Variants in IQCH observed in about 807,000 individuals in gnomAD.
IQCH encodes the protein IQ motif containing H.
IQCH carries 98 observed loss-of-function variants against 117.0 expected under a neutral mutation model. The ratio of observed to expected loss-of-function variants is 0.84; its 90% CI spans 0.71 to 0.99. The LOEUF (loss-of-function observed/expected upper bound fraction) is 0.99. Ranked by LOEUF, IQCH falls within the 50% of genes least tolerant of loss-of-function variation. The pLI is 0.00. For synonymous variants in IQCH, 412 were observed against 448.2 expected, an observed-to-expected ratio of 0.92 and a Z score of 1.02; for missense variants, 1,102 against 1,243.8, an observed-to-expected ratio of 0.89 and a Z score of 1.72.
chr15:67,428,023 G>A (rs1205747429), intron 16 of IQCH, among the ~76,000 whole-genome samples: 2 of 151,486 alleles, frequency 1.3e-5, no homozygotes, highest in South Asian at 2.1e-4. Context: ...ACGGGGTTTC[G>A]CCATGTTGGC....
intron 4 of IQCH, among the ~76,000 whole-genome samples, chr15:67,332,261 T>C (rs1438226767): frequency 6.6e-6 from 1 of 152,182 alleles, no homozygotes; most frequent in African/African-American, 2.4e-5. Context: ...GTTAAATATT[T>C]GGATTTCAAA....
At chr15:67,255,813 C>G (rs529256800) in intron 1 of IQCH, among the ~76,000 whole-genome samples, 2 of 152,102 alleles carry the variant, frequency 1.3e-5, no homozygotes, top group Admixed American at 1.3e-4. Flanking sequence ...CTAAATGTAC[C>G]TTTTCCCAAA....
intron 4 of IQCH, among the ~76,000 whole-genome samples, chr15:67,304,718 T>C (rs1339186964): frequency 6.6e-6 from 1 of 152,112 alleles, no homozygotes; most frequent in Non-Finnish European, 1.5e-5. Context: ...ACCATAATTT[T>C]AACGAGGAAA....
chr15:67,483,778 A>G (rs2083400816), intron 18 of IQCH, among the ~76,000 whole-genome samples: 1 of 152,150 alleles, frequency 6.6e-6, no homozygotes, highest in African/African-American at 2.4e-5. Flanking sequence ...GATCAAAGGG[A>G]AGTGAGCCCC....
chr15:67,296,817 C>A (rs1010132457), intron 4 of IQCH, among the ~76,000 whole-genome samples: 1 of 152,138 alleles, frequency 6.6e-6, no homozygotes, highest in Non-Finnish European at 1.5e-5. Context: ...AACCAATTAT[C>A]CTCACTGGCA....
At chr15:67,396,247 C>G (rs910082703) in intron 13 of IQCH, among the ~76,000 whole-genome samples, 8 of 152,142 alleles carry the variant, frequency 5.3e-5, no homozygotes, top group Non-Finnish European at 1.0e-4. Context: ...AGCCTCCCCA[C>G]TGGGTCAGAT....
intron 10 of IQCH, among the ~76,000 whole-genome samples, chr15:67,378,751 G>C (rs1413299151): frequency 6.6e-6 from 1 of 152,026 alleles, no homozygotes; most frequent in Non-Finnish European, 1.5e-5. Context: ...GGTGACTCCA[G>C]CTCATAGGCT....
chr15:67,291,261 GTTCC>G (rs1343613883), intron 4 of IQCH, among the ~76,000 whole-genome samples: 1 of 152,112 alleles, frequency 6.6e-6, no homozygotes, highest in African/African-American at 2.4e-5. Flanking sequence ...TAAAAAACGA[GTTCC>G]AAAAATTGGA....
At chr15:67,352,739 T>C (rs1969718806) in intron 6 of IQCH, among the ~76,000 whole-genome samples, 4 of 152,118 alleles carry the variant, frequency 2.6e-5, no homozygotes, top group Admixed American at 2.6e-4. Flanking sequence ...TCTTTTGTGT[T>C]CTACAGGTTC....
chr15:67,475,844 G>C lies in IQCH; in HGVS notation c.2799+26G>C. 1 of 1,608,640 alleles carries C rather than the reference G, an allele frequency of 6.2e-7. No homozygotes were observed. Among genetic ancestry groups the C allele is most frequent in the East Asian group, 2.2e-5 (1 of 44,864 alleles). On this transcript the variant is annotated intron_variant, in intron 18 of 20. Coordinates refer to ENST00000335894, the MANE Select transcript of IQCH (RefSeq NM_001031715.3). The surrounding 1 kb of genome is among the most constrained non-coding windows in gnomAD (Gnocchi z 5.7). ...GTATGAAGGGTTACAGTTGGCCAGG[G>C]GCGGCCAAAGACATGCCTGTGGGTG...
chr15:67,337,129 G>A (rs376007158), intron 5 of IQCH, 34 bp downstream of exon 5: 1 of 1,609,354 alleles, frequency 6.2e-7, no homozygotes, highest in Non-Finnish European at 8.5e-7. Flanking sequence ...ACGTGTTTAG[G>A]AACGGAAAAG....
chr15:67,280,915 C>T (rs1156387098), intron 4 of IQCH, among the ~76,000 whole-genome samples: 1 of 152,014 alleles, frequency 6.6e-6, no homozygotes, highest in Admixed American at 6.5e-5. Context: ...GGCACAATCT[C>T]GGCTCACTGC....
intron 6 of IQCH, among the ~76,000 whole-genome samples, chr15:67,353,793 A>T (rs1043622196): frequency 1.6e-4 from 25 of 152,268 alleles, no homozygotes; most frequent in Non-Finnish European, 2.4e-4. Context: ...TAGAATTTTT[A>T]AAAAATCATA....
At chr15:67,320,658 T>TA (rs1391078345) in intron 4 of IQCH, among the ~76,000 whole-genome samples, 1 of 152,218 alleles carries the variant, frequency 6.6e-6, no homozygotes, top group African/African-American at 2.4e-5. Context: ...AAGTTTTATG[T>TA]AAAATCAAGT....
intron 4 of IQCH, among the ~76,000 whole-genome samples, chr15:67,326,499 G>A (rs1968415512): frequency 6.6e-6 from 1 of 152,160 alleles, no homozygotes; most frequent in African/African-American, 2.4e-5. Context: ...GGATGGCTGG[G>A]TCAAATGGTA....
Position 67,376,588 on chromosome 15 carries a change from C to G in IQCH, c.1372+3155C>G, listed in dbSNP as rs1970744433. ...TGGGGCTGCACTAACTTGTTTGAACCCTTCAAATGAAAGCTAAGTAGTTGA... is the reference window on the plus strand; with the variant it reads ...TGGGGCTGCACTAACTTGTTTGAACGCTTCAAATGAAAGCTAAGTAGTTGA... On this transcript the variant is annotated intron_variant, in intron 10 of 20. Coordinates refer to ENST00000335894, the MANE Select transcript of IQCH (RefSeq NM_001031715.3). This position sits in a 1 kb window ranked among gnomAD's most constrained non-coding sequence, Gnocchi z 5.0. Among the ~76,000 whole-genome samples the G allele has an allele frequency of 6.6e-6, 1 of 152,092 alleles. No homozygotes were observed. Among genetic ancestry groups the G allele is most frequent in the Non-Finnish European group, 1.5e-5 (1 of 68,022 alleles).
At position 67,361,231 on chromosome 15, in the gene IQCH, C is replaced by T. The variant is rs560155989; in HGVS notation, c.753+1346C>T. Among the ~76,000 whole-genome samples, 8 of 152,334 alleles carry T rather than the reference C, an allele frequency of 5.3e-5. No homozygotes were observed. The South Asian group carries it at 1.5e-3, about 28-fold the overall frequency. The stretch of plus-strand genomic sequence containing the variant: ...GTCAGCTTTTCAAATAGTACTACTA[C>T]TGCTCCTGTTACTACTGCTGCTGTT... On this transcript the variant is annotated intron_variant, in intron 8 of 20. Transcript: ENST00000335894.
chr15:67,346,470 A>G (rs1163428995), intron 6 of IQCH, among the ~76,000 whole-genome samples: 2 of 152,174 alleles, frequency 1.3e-5, no homozygotes, highest in Non-Finnish European at 2.9e-5. Context: ...CGATTCTCAT[A>G]AGGAGCATGC....
At chr15:67,446,595 A>G (rs1198648094) in intron 16 of IQCH, among the ~76,000 whole-genome samples, 1 of 152,178 alleles carries the variant, frequency 6.6e-6, no homozygotes, top group Non-Finnish European at 1.5e-5. Flanking sequence ...CAGAGCCTGG[A>G]CAGGTCAGCC....
Sources: gnomAD v4.1 joint callset for allele counts (sites outside exome capture counted in the v4.1 genomes callset) on GRCh38, gnomAD v4.1.1 for gene constraint, Gnocchi (gnomAD v3.1) non-coding constraint, MANE v1.5 for transcripts, NCBI Gene and HGNC (gene_info 2026-07-23, HGNC 2026-07-21) for gene names.